Variants in ICA1 observed in about 807,000 individuals in gnomAD.
ICA1 encodes the protein 69 kDa islet cell autoantigen.
ICA1 carries 40 observed loss-of-function variants against 71.0 expected under a neutral mutation model. The observed-to-expected ratio is 0.56, with a 90% CI of 0.44 to 0.73. The LOEUF (loss-of-function observed/expected upper bound fraction) is 0.73. ICA1 is among the 30% of genes least tolerant of loss of function. The pLI, the probability that ICA1 is intolerant of heterozygous loss-of-function variation, is 0.00. For synonymous variants in ICA1, 207 were observed against 209.5 expected (o/e 0.99, Z 0.10); for missense variants, 578 against 576.5 (o/e 1.00, Z -0.03).
intron 1 of ICA1, among the ~76,000 whole-genome samples, chr7:8,258,103 T>A (rs1810867065): frequency 6.6e-6 from 1 of 152,166 alleles, no homozygotes; most frequent in African/African-American, 2.4e-5. Context: ...TGGGGTGGGA[T>A]GCCCCCGCCC....
At chr7:8,238,042 G>C (rs1802448319) in intron 1 of ICA1, among the ~76,000 whole-genome samples, 1 of 151,948 alleles carries the variant, frequency 6.6e-6, no homozygotes. Context: ...ATATTGATAA[G>C]AAAAAAATGG....
At chr7:8,241,291 C>T (rs1803778169) in intron 1 of ICA1, among the ~76,000 whole-genome samples, 1 of 152,172 alleles carries the variant, frequency 6.6e-6, no homozygotes, top group East Asian at 1.9e-4. Flanking sequence ...ATTTTCAATC[C>T]AGAATTTCAT....
chr7:8,134,549 C>T (rs1792665721), intron 12 of ICA1, among the ~76,000 whole-genome samples: 1 of 152,192 alleles, frequency 6.6e-6, no homozygotes, highest in South Asian at 2.1e-4. Flanking sequence ...TCTCCCTCGT[C>T]CCCACTCTGG....
intron 13 of ICA1, among the ~76,000 whole-genome samples, chr7:8,119,229 A>G (rs1390218420): frequency 6.6e-6 from 1 of 152,136 alleles, no homozygotes; most frequent in African/African-American, 2.4e-5. Flanking sequence ...GAGCTTCCAG[A>G]GAGAACTTGA....
At chr7:8,247,754 CCTAGAACTTTTT>C in intron 1 of ICA1, among the ~76,000 whole-genome samples, 1 of 152,166 alleles carries the variant, frequency 6.6e-6, no homozygotes, top group Admixed American at 6.5e-5. Flanking sequence ...CTTGTTCTGA[CCTAGAACTTTTT>C]CTATGCATTT....
rs1032384101 is a variant in ICA1, at chr7:8,185,374, A to ACATC, written c.580-26726_580-26723dup. Among the ~76,000 whole-genome samples, 7 of 152,248 alleles carry ACATC rather than the reference A, an allele frequency of 4.6e-5. No homozygotes were observed. The East Asian group carries it at 7.7e-4, about 17-fold the overall frequency. The stretch of plus-strand genomic sequence containing the variant: ...CACCCATCCATGCATCTGGCCATCC[A>ACATC]CATCCATCCATCCATCCATCCACCC... On this transcript the variant is annotated intron_variant, in intron 6 of 13. Coordinates refer to ENST00000402384, the MANE Select transcript of ICA1 (RefSeq NM_001136020.3).
chr7:8,141,939 A>ACC, intron 9 of ICA1, 122 bp from the exon 10 acceptor site: 1 of 1,436,810 alleles, frequency 7.0e-7, no homozygotes, highest in Non-Finnish European at 9.5e-7. Flanking sequence ...ACACACGCAC[A>ACC]CGAAGAAGGG....
In ICA1 at chr7:8,256,592, C is replaced by T. The variant is rs1169896564; in HGVS notation, c.-80+5502G>A. 6.2e-4 allele frequency among the ~76,000 whole-genome samples: 94 copies of T among 152,208 alleles called. 2 individuals carry two copies. The highest frequency in any genetic ancestry group is 6.0e-3 in the Admixed American group (92 of 15,274). ...AAGTATTCCCAACTCAACATCTCGT[C>T]TCTATCCCTCTCCCCATGGGTCTTG... On this transcript the variant is annotated intron_variant, in intron 1 of 13. Coordinates refer to ENST00000402384, the MANE Select transcript of ICA1 (RefSeq NM_001136020.3).
At chr7:8,186,461 G>C (rs745900642) in intron 6 of ICA1, among the ~76,000 whole-genome samples, 1 of 152,148 alleles carries the variant, frequency 6.6e-6, no homozygotes, top group Non-Finnish European at 1.5e-5. Context: ...AAGCAATGGG[G>C]AGCTGCTGAA....
intron 1 of ICA1, 80 bp downstream of exon 1, chr7:8,262,014 C>G (rs907165040): frequency 2.6e-5 from 4 of 152,184 alleles, no homozygotes; most frequent in South Asian, 2.1e-4. Context: ...CGTCCCCGAC[C>G]GTCCCGGCTG....
At position 8,113,862 on chromosome 7, in the gene ICA1, T is replaced by C; in HGVS notation, c.*61A>G. The C allele has an allele frequency of 6.3e-7, 1 of 1,584,112 alleles. No individual in the cohort carries two copies. On this transcript the variant is annotated 3_prime_UTR_variant, in exon 14 of 14. Transcript: ENST00000402384. The surrounding 1 kb of genome is among the most constrained non-coding windows in gnomAD (Gnocchi z 4.2). ...CAGCATACTGATCACTTTATACTTC[T>C]GCTAGCCCCCAGGGGAGCTGCTGGG...
chr7:8,145,764 A>ATATAAG (rs55971486), intron 8 of ICA1, among the ~76,000 whole-genome samples: 1 of 136,322 alleles, frequency 7.3e-6, no homozygotes, highest in Non-Finnish European at 1.6e-5. Context: ...ATATATATAT[A>ATATAAG]TATGTATATA....
intron 1 of ICA1, among the ~76,000 whole-genome samples, chr7:8,248,827 C>A (rs999496564): frequency 2.7e-4 from 41 of 152,296 alleles, no homozygotes; most frequent in East Asian, 1.9e-4. Flanking sequence ...ATAGTGAAAT[C>A]ACTCATTCCT....
At chr7:8,134,789 TATA>T in intron 12 of ICA1, among the ~76,000 whole-genome samples, 1 of 152,016 alleles carries the variant, frequency 6.6e-6, no homozygotes, top group African/African-American at 2.4e-5. Flanking sequence ...TGATATAGAT[TATA>T]ATAAGAACAG....
chr7:8,238,838 T>C (rs1419500030), intron 1 of ICA1, among the ~76,000 whole-genome samples: 2 of 152,210 alleles, frequency 1.3e-5, no homozygotes, highest in Non-Finnish European at 1.5e-5. Context: ...GCCACTTGCA[T>C]TGAAATCTTC....
At chr7:8,219,509 A>C (rs1218085976) in intron 5 of ICA1, among the ~76,000 whole-genome samples, 1 of 152,224 alleles carries the variant, frequency 6.6e-6, no homozygotes, top group Non-Finnish European at 1.5e-5. Flanking sequence ...ATTTAAGAAA[A>C]AATTTCCTTT....
chr7:8,184,641 T>C (rs545373761), intron 6 of ICA1, among the ~76,000 whole-genome samples: 2 of 152,242 alleles, frequency 1.3e-5, no homozygotes, highest in East Asian at 3.9e-4. Flanking sequence ...ATACTTGAAA[T>C]AAAACCTAAT....
chr7:8,259,523 T>C (rs549130219), intron 1 of ICA1, among the ~76,000 whole-genome samples: 74 of 152,348 alleles, frequency 4.9e-4, no homozygotes, highest in African/African-American at 1.7e-3. Flanking sequence ...TAGATACGGA[T>C]AGCATATGTT....
At chr7:8,136,221 T>C (rs1016219335) in intron 12 of ICA1, among the ~76,000 whole-genome samples, 3 of 152,132 alleles carry the variant, frequency 2.0e-5, no homozygotes, top group Non-Finnish European at 4.4e-5. Flanking sequence ...TTTGATAACA[T>C]TGTACCACGG....
Sources: gnomAD v4.1 joint callset for allele counts (sites outside exome capture counted in the v4.1 genomes callset) on GRCh38, gnomAD v4.1.1 for gene constraint, Gnocchi (gnomAD v3.1) non-coding constraint, MANE v1.5 for transcripts, NCBI Gene and HGNC (gene_info 2026-07-23, HGNC 2026-07-21) for gene names.